The following LRRN3 variants were observed in gnomAD, a reference collection of about 807,000 sequenced individuals.
The protein encoded by LRRN3 is leucine rich repeat neuronal 3, also known as leucine-rich repeat neuronal protein 3.
Under a neutral mutation model 40.1 loss-of-function variants are expected in LRRN3, and 15 were observed. That is an observed-to-expected ratio of 0.37 (90% CI 0.25 to 0.58). LRRN3 has a LOEUF of 0.58. Ranked by LOEUF, LRRN3 falls within the 20% of genes least tolerant of loss-of-function variation. LRRN3 has a pLI of 0.72. For missense variants in LRRN3, 746 were observed against 837.7 expected, an observed-to-expected ratio of 0.89 and a Z score of 1.35; for synonymous variants, 308 against 297.2, an observed-to-expected ratio of 1.04 and a Z score of -0.37.
At chr7:111,109,873 T>C (rs1196659559) in intron 2 of LRRN3, among the ~76,000 whole-genome samples, 1 of 152,172 alleles carries the variant, frequency 6.6e-6, no homozygotes, top group Non-Finnish European at 1.5e-5. Context: ...CGGTGGCTCA[T>C]GCCTGTAATT....
intron 1 of LRRN3, among the ~76,000 whole-genome samples, chr7:111,098,009 A>T (rs1409539521): frequency 6.6e-6 from 1 of 151,874 alleles, no homozygotes; most frequent in African/African-American, 2.4e-5. Flanking sequence ...GTAGCATTGA[A>T]AAGAAAGTGC....
chr7:111,104,853 G>A (rs974943623), intron 2 of LRRN3, among the ~76,000 whole-genome samples: 1 of 151,724 alleles, frequency 6.6e-6, no homozygotes, highest in Non-Finnish European at 1.5e-5. Context: ...AGAGGGTCAT[G>A]GCTTCTAGAA....
At chr7:111,097,287 T>G (rs1797504139) in intron 1 of LRRN3, 1 of 151,892 alleles carries the variant, frequency 6.6e-6, no homozygotes, top group East Asian at 1.9e-4. Flanking sequence ...TTAAGCCCCC[T>G]AACGTGAAGC....
intron 2 of LRRN3, among the ~76,000 whole-genome samples, chr7:111,120,212 C>A (rs1800421637): frequency 6.6e-6 from 1 of 152,042 alleles, no homozygotes; most frequent in African/African-American, 2.4e-5. Flanking sequence ...TTGCATTAAT[C>A]CGTTCTCATG....
chr7:111,102,478 T>C (rs1798080665), intron 2 of LRRN3, among the ~76,000 whole-genome samples: 1 of 151,610 alleles, frequency 6.6e-6, no homozygotes, highest in Admixed American at 6.6e-5. Context: ...TTATTGACAG[T>C]AATGTGTTGC....
chr7:111,096,905 C>T (rs1004852458), intron 1 of LRRN3: 3 of 151,910 alleles, frequency 2.0e-5, no homozygotes, highest in African/African-American at 7.2e-5. Context: ...AACTTACATA[C>T]ATTATTCTGT....
chr7:111,092,791 T>G (rs755275236), intron 1 of LRRN3, among the ~76,000 whole-genome samples: 18 of 152,194 alleles, frequency 1.2e-4, no homozygotes, highest in Non-Finnish European at 2.4e-4. Flanking sequence ...AAACATTCAC[T>G]GCCCTCTTTA....
Position 111,124,524 on chromosome 7 carries a change from T to C in LRRN3, c.1752T>C (p.Asn584=), listed in dbSNP as rs751768539. The change falls in exon 3 of 3, where the codon AAT becomes AAC. Residue 584 remains asparagine (N), a synonymous_variant. Coordinates refer to ENST00000308478, the MANE Select transcript of LRRN3 (RefSeq NM_001099658.2). ...AGGTATATAATCTTACTCATCTGAA[T>C]CCATCAACTGAGTATAAAATTTGTA... ...DVKVYNLTHL[N]PSTEYKICID... The C allele has an allele frequency of 6.2e-7, 1 of 1,613,346 alleles. No individual in the cohort carries two copies. The highest frequency in any genetic ancestry group is 8.5e-7 in the Non-Finnish European group (1 of 1,179,452).
chr7:111,100,716 G>C (rs893376744), intron 2 of LRRN3, among the ~76,000 whole-genome samples: 2 of 151,070 alleles, frequency 1.3e-5, no homozygotes, highest in Non-Finnish European at 1.5e-5. Context: ...TTTTGTTTTT[G>C]TAATTTTAGA....
rs1798026004 is a variant in LRRN3 at position 111,101,962 on chromosome 7, G to A, written c.-359+2000G>A. On this transcript the variant is annotated intron_variant, in intron 2 of 2. Coordinates refer to ENST00000308478, the MANE Select transcript of LRRN3 (RefSeq NM_001099658.2). ...ATGGACAAAACTCTTCTGCCCACAT[G>A]TTCATGAACTCTAATTTTCATACAC... is the stretch of plus-strand genomic sequence containing the variant. Among the ~76,000 whole-genome samples the A allele has an allele frequency of 2.0e-5, 3 of 151,140 alleles. No individual in the cohort carries two copies. In the South Asian group the frequency reaches 6.2e-4, roughly 31 times the overall value.
chr7:111,091,594 GTCT>G (rs1796871015), intron 1 of LRRN3, 90 bp downstream of exon 1: 2 of 152,120 alleles, frequency 1.3e-5, no homozygotes, highest in East Asian at 1.9e-4. Context: ...CTCCTTTGAT[GTCT>G]TCTTCTTGTC....
Position 111,123,069 on chromosome 7 carries a change from A to T in LRRN3, c.297A>T (p.Leu99Phe). The change falls in exon 3 of 3, where the codon TTA (leucine) becomes TTT (phenylalanine). Residue 99 changes from leucine (L) to phenylalanine (F), a missense_variant. Leu to Phe is a conservative substitution (Grantham distance 22, BLOSUM62 0). Transcript: ENST00000308478. This position sits in a 1 kb window ranked among gnomAD's most constrained non-coding sequence, Gnocchi z 6.4. ...CAGTAAACCTTACTGGCCTGGATTT[A>T]TCTCAAAACAATTTATCTTCAGTCA... is the stretch of plus-strand genomic sequence containing the variant. The part of the protein sequence containing the change: ...DFPVNLTGLD[L>F]SQNNLSSVTN... 3.1e-6 allele frequency: 5 copies of T among 1,613,886 alleles called. No homozygotes were observed. The highest frequency in any genetic ancestry group is 4.2e-6 in the Non-Finnish European group (5 of 1,179,956).
At chr7:111,112,111 C>T (rs1030931883) in intron 2 of LRRN3, among the ~76,000 whole-genome samples, 2 of 151,442 alleles carry the variant, frequency 1.3e-5, no homozygotes, top group African/African-American at 4.9e-5. Context: ...CCACACCCGG[C>T]TAATTTTTGT....
intron 2 of LRRN3, among the ~76,000 whole-genome samples, chr7:111,111,950 T>G (rs912442288): frequency 8.3e-5 from 11 of 131,764 alleles, no homozygotes; most frequent in East Asian, 4.2e-4. Context: ...TTGTTTTTTT[T>G]TTTTTTTTTT....
rs1210764616 is a variant in LRRN3 at position 111,123,544 on chromosome 7, A to G, written c.772A>G (p.Lys258Glu). The G allele has an allele frequency of 6.2e-7, 1 of 1,613,808 alleles. No homozygotes were observed. The highest frequency in any genetic ancestry group is 2.2e-5 in the East Asian group (1 of 44,866). Reference protein sequence around the residue: ...LIKVPHVALQKVVNLKFLDLN... With the variant: ...LIKVPHVALQEVVNLKFLDLN... ...TAAAGTACCCCATGTTGCTCTTCAA[A>G]AAGTTGTAAATCTCAAATTTTTGGA... is the stretch of plus-strand genomic sequence containing the variant. Residue 258 changes from lysine (K) to glutamate (E), a missense_variant, in exon 3 of 3, where the codon AAA becomes GAA. Coordinates refer to ENST00000308478, the MANE Select transcript of LRRN3 (RefSeq NM_001099658.2). The surrounding 1 kb of genome is among the most constrained non-coding windows in gnomAD (Gnocchi z 6.4).
At position 111,123,373 on chromosome 7, in the gene LRRN3, A is replaced by G; in HGVS notation, c.601A>G (p.Ile201Val). Residue 201 changes from isoleucine (I) to valine (V), a missense_variant, in exon 3 of 3, where the codon ATC becomes GTC. Physicochemically the swap from Ile to Val is conservative, Grantham distance 29 (BLOSUM62 3). Coordinates refer to ENST00000308478, the MANE Select transcript of LRRN3 (RefSeq NM_001099658.2). This position sits in a 1 kb window ranked among gnomAD's most constrained non-coding sequence, Gnocchi z 6.4. ...TCTGATGATTGGGGAAAATCCAATT[A>G]TCAGAATCAAAGACATGAACTTTAA... ...EILMIGENPI[I>V]RIKDMNFKPL... 6.2e-7 allele frequency: 1 copy of G among 1,613,876 alleles called. No homozygotes were observed. The highest frequency in any genetic ancestry group is 8.5e-7 in the Non-Finnish European group (1 of 1,179,926).
rs139549841 is a variant in LRRN3 at position 111,112,896 on chromosome 7, T to C, written c.-358-9519T>C. ...GTGCTATAATTTAGTCTCTTGTTTATTGCATTTGAAAAAATTCTTTCAAAC... is the reference window on the plus strand; with the variant it reads ...GTGCTATAATTTAGTCTCTTGTTTACTGCATTTGAAAAAATTCTTTCAAAC... On this transcript the variant is annotated intron_variant, in intron 2 of 2. Transcript: ENST00000308478. Among the ~76,000 whole-genome samples, 82 of 152,328 alleles carry C rather than the reference T, an allele frequency of 5.4e-4. 2 individuals are homozygous for C. The highest frequency in any genetic ancestry group is 1.8e-3 in the African/African-American group (75 of 41,580).
Position 111,123,684 on chromosome 7 carries a change from T to G in LRRN3, c.912T>G (p.Ala304=). 6.2e-7 allele frequency: 1 copy of G among 1,613,972 alleles called. No homozygotes were observed. The highest frequency in any genetic ancestry group is 2.2e-5 in the East Asian group (1 of 44,864). ...AGCTGATTTCCATCGATAGTCTTGC[T>G]GTGGATAACCTGCCAGATTTAAGAA... The part of the protein sequence containing the change: ...MPELISIDSL[A]VDNLPDLRKI... Residue 304 remains alanine (A), a synonymous_variant, in exon 3 of 3, where the codon GCT becomes GCG. Coordinates refer to ENST00000308478, the MANE Select transcript of LRRN3 (RefSeq NM_001099658.2). The surrounding 1 kb of genome is among the most constrained non-coding windows in gnomAD (Gnocchi z 6.4).
At chr7:111,121,173 C>T (rs1227280902) in intron 2 of LRRN3, among the ~76,000 whole-genome samples, 5 of 152,208 alleles carry the variant, frequency 3.3e-5, no homozygotes, top group Non-Finnish European at 7.3e-5. Context: ...TTATCAAGGA[C>T]ATATCCTTCG....
Sources: gnomAD v4.1 joint callset for allele counts (sites outside exome capture counted in the v4.1 genomes callset) on GRCh38, gnomAD v4.1.1 for gene constraint, Gnocchi (gnomAD v3.1) non-coding constraint, MANE v1.5 for transcripts, NCBI Gene and HGNC (gene_info 2026-07-23, HGNC 2026-07-21) for gene names.